Variants in KCNMA1 observed in about 807,000 individuals in gnomAD.
KCNMA1 encodes the protein potassium calcium-activated channel subfamily M alpha 1.
Under a neutral mutation model 140.0 loss-of-function variants are expected in KCNMA1, and 29 were observed. That is an observed-to-expected ratio of 0.21 (90% CI 0.15 to 0.28). The LOEUF is 0.28. Among genes scored for constraint, KCNMA1 ranks in the 10% least tolerant of loss-of-function variants. The pLI is 1.00. For missense variants in KCNMA1, 880 were observed against 1,602.2 expected (o/e 0.55, Z 7.70); for synonymous variants, 612 against 611.9 (o/e 1.00, Z 0.00).
chr10:77,165,163 C>G (rs1384293066), intron 5 of KCNMA1, among the ~76,000 whole-genome samples: 2 of 152,100 alleles, frequency 1.3e-5, no homozygotes, highest in Non-Finnish European at 2.9e-5. Context: ...CTATTATCCT[C>G]CACAGAAATG....
At chr10:77,382,960 G>T (rs1159241151) in intron 2 of KCNMA1, among the ~76,000 whole-genome samples, 1 of 51,040 alleles carries the variant, frequency 2.0e-5, no homozygotes, top group East Asian at 6.0e-4. Flanking sequence ...ATATATATAC[G>T]TGTGTGTGTG....
At chr10:77,064,673 T>G (rs1006874866) in intron 14 of KCNMA1, among the ~76,000 whole-genome samples, 11 of 152,228 alleles carry the variant, frequency 7.2e-5, no homozygotes, top group African/African-American at 2.7e-4. Flanking sequence ...TTGGTCAGAC[T>G]GAGTGGCACT....
At chr10:77,481,599 C>G (rs2098397675) in intron 1 of KCNMA1, among the ~76,000 whole-genome samples, 1 of 151,784 alleles carries the variant, frequency 6.6e-6, no homozygotes, top group Admixed American at 6.6e-5. Flanking sequence ...ACAGTGAAAG[C>G]CCATCTCTAC....
At chr10:77,326,546 GATA>G (rs2084300875) in intron 2 of KCNMA1, among the ~76,000 whole-genome samples, 1 of 152,150 alleles carries the variant, frequency 6.6e-6, no homozygotes, top group Non-Finnish European at 1.5e-5. Flanking sequence ...TGGTGACAGT[GATA>G]ATGATGATGA....
intron 1 of KCNMA1, among the ~76,000 whole-genome samples, chr10:77,496,670 T>C (rs2042072977): frequency 7.0e-6 from 1 of 143,420 alleles, no homozygotes; most frequent in South Asian, 2.4e-4. Context: ...CCCAAAGCTA[T>C]ATACCATGTT....
chr10:77,091,667 C>G (rs1403001991), intron 9 of KCNMA1: 2 of 152,368 alleles, frequency 1.3e-5, no homozygotes, highest in East Asian at 3.9e-4. Context: ...AGGTGGTGAA[C>G]ATGCAGCATG....
intron 1 of KCNMA1, among the ~76,000 whole-genome samples, chr10:77,602,037 G>T (rs77338892): frequency 6.6e-6 from 1 of 152,174 alleles, no homozygotes; most frequent in African/African-American, 2.4e-5. Context: ...GAATGAGACT[G>T]TCCTTTATAC....
intron 1 of KCNMA1, among the ~76,000 whole-genome samples, chr10:77,630,724 C>G (rs532467808): frequency 3.3e-5 from 5 of 152,000 alleles, no homozygotes; most frequent in Non-Finnish European, 7.4e-5. Context: ...GCCTGTGTCT[C>G]GCCAGACCAG....
chr10:77,139,020 CT>C (rs1484395058), intron 5 of KCNMA1, among the ~76,000 whole-genome samples: 1 of 152,208 alleles, frequency 6.6e-6, no homozygotes, highest in African/African-American at 2.4e-5. Flanking sequence ...AGCAGACTAT[CT>C]GCTCTATTGG....
chr10:76,992,000 G>T (rs914781337), intron 19 of KCNMA1, among the ~76,000 whole-genome samples: 2 of 152,154 alleles, frequency 1.3e-5, no homozygotes, highest in African/African-American at 4.8e-5. Context: ...CAGTGCAGTC[G>T]ATCATCCCTA....
chr10:77,326,655 T>C (rs16934601), intron 2 of KCNMA1, among the ~76,000 whole-genome samples: 8,999 of 152,226 alleles, frequency 0.059, 383 homozygotes, highest in East Asian at 0.18. Context: ...TCAAAACATA[T>C]GGCCCAATGC....
intron 1 of KCNMA1, among the ~76,000 whole-genome samples, chr10:77,593,424 A>G (rs1006857125): frequency 2.6e-5 from 4 of 152,246 alleles, no homozygotes; most frequent in Non-Finnish European, 4.4e-5. Flanking sequence ...GAAATTGTGC[A>G]AGGTAATTGC....
intron 18 of KCNMA1, among the ~76,000 whole-genome samples, chr10:77,005,515 C>T (rs777335857): frequency 2.0e-5 from 3 of 152,220 alleles, no homozygotes; most frequent in Non-Finnish European, 2.9e-5. Flanking sequence ...GCTCAATTAA[C>T]TGCCCCGATA....
At position 77,108,462 on chromosome 10, in the gene KCNMA1, A is replaced by C. The variant is rs2097247433; in HGVS notation, c.1223+19T>G. 9.9e-6 allele frequency: 16 copies of C among 1,610,494 alleles called. No homozygotes were observed. Among genetic ancestry groups the C allele is most frequent in the Non-Finnish European group, 1.4e-5 (16 of 1,177,228 alleles). ...GATTCTACCGCAGCAGAGGCAGCAA[A>C]ACCTCTTGGCATACTTACTTTCTTC... On this transcript the variant is annotated intron_variant, in intron 9 of 27. Transcript: ENST00000286628. The surrounding 1 kb of genome is among the most constrained non-coding windows in gnomAD (Gnocchi z 4.6).
intron 15 of KCNMA1, among the ~76,000 whole-genome samples, chr10:77,034,334 C>G (rs1011321810): frequency 6.6e-6 from 1 of 151,794 alleles, no homozygotes; most frequent in African/African-American, 2.4e-5. Context: ...AGAAATCTAT[C>G]ATATAACAAT....
chr10:77,199,853 G>T (rs2041892780), intron 3 of KCNMA1, among the ~76,000 whole-genome samples: 1 of 152,206 alleles, frequency 6.6e-6, no homozygotes, highest in Admixed American at 6.5e-5. Flanking sequence ...AACAAGGCCA[G>T]ACAGGAGACG....
chr10:77,065,478 T>C (rs1358375779), intron 14 of KCNMA1, among the ~76,000 whole-genome samples: 2 of 152,206 alleles, frequency 1.3e-5, no homozygotes, highest in African/African-American at 4.8e-5. Flanking sequence ...TGAGCTTAGT[T>C]ACTTTCTTCC....
chr10:77,585,702 G>A (rs772933535), intron 1 of KCNMA1, among the ~76,000 whole-genome samples: 12 of 152,084 alleles, frequency 7.9e-5, no homozygotes, highest in South Asian at 2.1e-4. Flanking sequence ...ATTCCCAGAC[G>A]AACAACTTCC....
intron 1 of KCNMA1, among the ~76,000 whole-genome samples, chr10:77,503,032 G>T (rs79607360): frequency 6.6e-6 from 1 of 152,134 alleles, no homozygotes; most frequent in African/African-American, 2.4e-5. Flanking sequence ...CTGGAGGACC[G>T]CTTGAGCCCA....
Sources: gnomAD v4.1 joint callset for allele counts (sites outside exome capture counted in the v4.1 genomes callset) on GRCh38, gnomAD v4.1.1 for gene constraint, Gnocchi (gnomAD v3.1) non-coding constraint, MANE v1.5 for transcripts, NCBI Gene and HGNC (gene_info 2026-07-23, HGNC 2026-07-21) for gene names.